The following MACROD2 variants were observed in gnomAD, a reference collection of about 807,000 sequenced individuals.
MACROD2 encodes the protein ADP-ribose glycohydrolase MACROD2.
Under a neutral mutation model 70.4 loss-of-function variants are expected in MACROD2, and 36 were observed. The ratio of observed to expected loss-of-function variants is 0.51; its 90% CI spans 0.39 to 0.68. MACROD2 has a LOEUF of 0.68. Among genes scored for constraint, MACROD2 ranks in the 30% least tolerant of loss-of-function variants. The pLI, the probability that MACROD2 is intolerant of heterozygous loss-of-function variation, is 0.00. For missense variants in MACROD2, 496 were observed against 538.4 expected (o/e 0.92, Z 0.78); for synonymous variants, 172 against 178.8 (o/e 0.96, Z 0.30).
At chr20:14,156,967 A>T (rs2055112277) in intron 3 of MACROD2, among the ~76,000 whole-genome samples, 2 of 152,220 alleles carry the variant, frequency 1.3e-5, no homozygotes, top group South Asian at 4.1e-4. Flanking sequence ...GGAGTTTACC[A>T]TTAAAGTCAT....
At chr20:15,784,244 T>G (rs1283129604) in intron 8 of MACROD2, among the ~76,000 whole-genome samples, 1 of 152,168 alleles carries the variant, frequency 6.6e-6, no homozygotes, top group Non-Finnish European at 1.5e-5. Context: ...CTATCCTCTC[T>G]GATGTAACAG....
At chr20:15,376,892 T>TTTTA (rs2045569826) in intron 6 of MACROD2, among the ~76,000 whole-genome samples, 1 of 152,102 alleles carries the variant, frequency 6.6e-6, no homozygotes. Context: ...TATTCTTATT[T>TTTTA]TTTATTTATT....
In MACROD2 at chr20:15,184,704, C is replaced by T. The variant is rs79573858; in HGVS notation, c.419-45236C>T. Among the ~76,000 whole-genome samples the T allele has an allele frequency of 1.6e-4, 24 of 152,264 alleles. No homozygotes were observed. In the East Asian group the frequency reaches 3.9e-3, roughly 24 times the overall value. On this transcript the variant is annotated intron_variant, in intron 5 of 17. Coordinates refer to ENST00000684519, the MANE Select transcript of MACROD2 (RefSeq NM_001351661.2). Reference sequence around the variant, plus strand: ...TCAGCCACCTGATCTCAGCCAGGTGCGACAATTCTGGGAAATGCGGTCTTC... The same window carrying T: ...TCAGCCACCTGATCTCAGCCAGGTGTGACAATTCTGGGAAATGCGGTCTTC...
chr20:16,015,268 C>T (rs2066914311), intron 15 of MACROD2, among the ~76,000 whole-genome samples: 1 of 152,098 alleles, frequency 6.6e-6, no homozygotes. Context: ...CAAACTGAAA[C>T]ACTACAGCAC....
At chr20:14,697,335 C>G (rs2071138704) in intron 5 of MACROD2, among the ~76,000 whole-genome samples, 1 of 152,160 alleles carries the variant, frequency 6.6e-6, no homozygotes, top group South Asian at 2.1e-4. Context: ...CAAAATATAT[C>G]CAACAAAATG....
At chr20:14,801,979 C>G (rs2072581791) in intron 5 of MACROD2, among the ~76,000 whole-genome samples, 1 of 152,032 alleles carries the variant, frequency 6.6e-6, no homozygotes, top group South Asian at 2.1e-4. Context: ...ATATCAGTGA[C>G]TTTGAGGACT....
intron 8 of MACROD2, among the ~76,000 whole-genome samples, chr20:15,604,141 G>T (rs538154952): frequency 1.1e-4 from 16 of 152,230 alleles, no homozygotes; most frequent in African/African-American, 3.6e-4. Flanking sequence ...TGTACCACAT[G>T]GGCTTCTATT....
At chr20:14,918,493 T>C (rs1011169227) in intron 5 of MACROD2, among the ~76,000 whole-genome samples, 1 of 152,184 alleles carries the variant, frequency 6.6e-6, no homozygotes, top group Non-Finnish European at 1.5e-5. Context: ...GCATATGCCA[T>C]GGTTTGCATG....
intron 8 of MACROD2, among the ~76,000 whole-genome samples, chr20:15,842,753 G>GATAGATAGATAGATAGAGAA (rs33937643): frequency 9.2e-5 from 13 of 140,856 alleles, no homozygotes; most frequent in South Asian, 2.3e-4. Flanking sequence ...TAGAGAAATA[G>GATAGATAGATAGATAGAGAA]ACAGACAAAT....
At chr20:14,008,699 C>T (rs1238283597) in intron 2 of MACROD2, among the ~76,000 whole-genome samples, 11 of 152,212 alleles carry the variant, frequency 7.2e-5, no homozygotes, top group East Asian at 3.9e-4. Context: ...AGAGGCATCA[C>T]GCTACCTGAC....
intron 5 of MACROD2, among the ~76,000 whole-genome samples, chr20:14,767,647 A>T (rs204113): frequency 0.59 from 88,302 of 150,624 alleles, 26,353 homozygotes; most frequent in Non-Finnish European, 0.62. Flanking sequence ...TCTTTTTTTT[A>T]AAAAAAATTA....
chr20:14,908,846 T>C (rs1443642349), intron 5 of MACROD2, among the ~76,000 whole-genome samples: 3 of 152,172 alleles, frequency 2.0e-5, no homozygotes, highest in Non-Finnish European at 1.5e-5. Context: ...CTTTGTGTTG[T>C]CTATCTGCTT....
Position 15,512,738 on chromosome 20 carries a change from G to A in MACROD2, c.645+12891G>A, listed in dbSNP as rs1349931933. On this transcript the variant is annotated intron_variant, in intron 8 of 17. Coordinates refer to ENST00000684519, the MANE Select transcript of MACROD2 (RefSeq NM_001351661.2). ...GGATGTGGAGATACGTGCCACCCAC[G>A]GTGCTTCTAGGTCCCCCCACCGCTG... is the stretch of plus-strand genomic sequence containing the variant. Among the ~76,000 whole-genome samples, 3 of 152,120 alleles carry A rather than the reference G, an allele frequency of 2.0e-5. No homozygotes were observed. In the East Asian group the frequency reaches 5.8e-4, roughly 29 times the overall value.
At chr20:14,792,122 A>G (rs2072457817) in intron 5 of MACROD2, among the ~76,000 whole-genome samples, 1 of 152,008 alleles carries the variant, frequency 6.6e-6, no homozygotes, top group Non-Finnish European at 1.5e-5. Flanking sequence ...ATCATGTATC[A>G]TGCATTTGGT....
At chr20:14,464,814 G>C (rs6079456) in intron 3 of MACROD2, among the ~76,000 whole-genome samples, 1 of 151,996 alleles carries the variant, frequency 6.6e-6, no homozygotes, top group African/African-American at 2.4e-5. Flanking sequence ...TTCAGGAGCA[G>C]GTTGTTTAGT....
In MACROD2 at chr20:15,786,809, A is replaced by G. The variant is rs1344830378; in HGVS notation, c.646-75936A>G. Among the ~76,000 whole-genome samples the G allele has an allele frequency of 2.0e-5, 3 of 152,190 alleles. No homozygotes were observed. The East Asian group carries it at 5.8e-4, about 29-fold the overall frequency. On this transcript the variant is annotated intron_variant, in intron 8 of 17. Transcript: ENST00000684519. ...GAAAGCAGATAAAACAACAATGGGG[A>G]TTATAGTTATAAATAGAATACAAAC...
intron 8 of MACROD2, among the ~76,000 whole-genome samples, chr20:15,618,240 T>G (rs2049068979): frequency 6.6e-6 from 1 of 151,994 alleles, no homozygotes; most frequent in African/African-American, 2.4e-5. Context: ...GAGGACAGTA[T>G]GCTTTTTAAA....
chr20:14,910,086 T>C (rs2074008437), intron 5 of MACROD2, among the ~76,000 whole-genome samples: 1 of 152,200 alleles, frequency 6.6e-6, no homozygotes, highest in African/African-American at 2.4e-5. Context: ...TAAATGAAAC[T>C]CTCTTTTGAG....
At chr20:15,263,720 T>C (rs972077725) in intron 6 of MACROD2, among the ~76,000 whole-genome samples, 6 of 151,336 alleles carry the variant, frequency 4.0e-5, no homozygotes, top group Non-Finnish European at 7.4e-5. Context: ...ATCAATACTT[T>C]ATACTGCTCA....
Sources: allele counts gnomAD v4.1 joint callset (sites outside exome capture counted in the v4.1 genomes callset), GRCh38; gene constraint gnomAD v4.1.1; transcripts MANE v1.5; gene names NCBI Gene and HGNC (gene_info 2026-07-23, HGNC 2026-07-21).